The following WDR90 variants were observed in gnomAD, a reference collection of about 807,000 sequenced individuals.
The protein encoded by WDR90 is WD repeat-containing protein 90.
Under a neutral mutation model 195.2 loss-of-function variants are expected in WDR90, and 238 were observed. The observed-to-expected ratio is 1.22, with a 90% CI of 1.10 to 1.36. The LOEUF (loss-of-function observed/expected upper bound fraction) is 1.36. Among genes scored for constraint, WDR90 ranks in the 40% most tolerant of loss-of-function variants. WDR90 has a pLI of 0.00. For missense variants in WDR90, 2,734 were observed against 2,439.5 expected (o/e 1.12, Z -2.54); for synonymous variants, 1,265 against 1,052.4 (o/e 1.20, Z -3.91).
Position 658,970 on chromosome 16 carries a change from G to C in WDR90, c.2970G>C (p.Gly990=). ...SPDQQQVLSA[G]DAVFLWDVLA... is the part of the protein sequence containing the mutation. ...ACCAGCAGCAGGTCCTCAGCGCAGGGGACGCCGTCTTCCTCTGGGATGTCC... is the reference window on the plus strand; with the variant it reads ...ACCAGCAGCAGGTCCTCAGCGCAGGCGACGCCGTCTTCCTCTGGGATGTCC... The change falls in exon 24 of 41, where the codon GGG becomes GGC. Residue 990 remains glycine (G), a synonymous_variant. Coordinates refer to ENST00000293879, the MANE Select transcript of WDR90 (RefSeq NM_145294.5). The C allele has an allele frequency of 6.2e-7, 1 of 1,612,860 alleles. No homozygotes were observed. The highest frequency in any genetic ancestry group is 8.5e-7 in the Non-Finnish European group (1 of 1,179,932).
In WDR90 at chr16:662,718, T is replaced by C; in HGVS notation, c.4185T>C (p.Ala1395=). The C allele has an allele frequency of 1.3e-6, 2 of 1,584,908 alleles. No individual in the cohort carries two copies. Among genetic ancestry groups the C allele is most frequent in the African/African-American group, 1.3e-5 (1 of 74,682 alleles). ...FMEHELVLDG[A]VVSASFDDSV... ...AACACGAGCTGGTGCTGGACGGGGC[T>C]GTGGTGAGTGCCAGCTTCGATGACA... The change falls in exon 34 of 41, where the codon GCT becomes GCC. Residue 1395 remains alanine, a synonymous_variant. Coordinates refer to ENST00000293879, the MANE Select transcript of WDR90 (RefSeq NM_145294.5).
At chr16:660,193 C>G (rs1370843949) in intron 27 of WDR90, 32 bp downstream of exon 27, 1 of 1,475,182 alleles carries the variant, frequency 6.8e-7, no homozygotes, top group Non-Finnish European at 9.1e-7. Flanking sequence ...CCCTCTTTAT[C>G]CCCAGCAAGC....
At position 658,340 on chromosome 16, in the gene WDR90, G is replaced by A. The variant is rs757462748; in HGVS notation, c.2762G>A (p.Arg921Gln). ...GATGCTGTGTCGGGCCGCATCATCC[G>A]GGAGGTGAGCCTCAGGGCTGTGGCC... is the stretch of plus-strand genomic sequence containing the variant. ...VLDAVSGRIIRELPGVHPEPC... is the reference protein window; with the variant it reads ...VLDAVSGRIIQELPGVHPEPC... The change falls in exon 22 of 41, where the codon CGG (arginine) becomes CAG (glutamine). Residue 921 changes from arginine to glutamine, a missense_variant. Physicochemically the swap from Arg to Gln is conservative, Grantham distance 43. Coordinates refer to ENST00000293879, the MANE Select transcript of WDR90 (RefSeq NM_145294.5). The A allele has an allele frequency of 4.6e-5, 74 of 1,612,174 alleles. No homozygotes were observed. In the Admixed American group the frequency reaches 5.0e-4, roughly 11 times the overall value.
At chr16:660,293 C>A in intron 27 of WDR90, 132 bp downstream of exon 27, 1 of 845,498 alleles carries the variant, frequency 1.2e-6, no homozygotes, top group Non-Finnish European at 1.8e-6. Context: ...GCGCCTGTCC[C>A]CTGGAGGCAA....
chr16:650,514 C>G (rs753673633), intron 4 of WDR90, 25 bp from the exon 5 acceptor site: 10 of 1,591,488 alleles, frequency 6.3e-6, no homozygotes, highest in Non-Finnish European at 8.6e-6. Flanking sequence ...AGGGTGGGCG[C>G]TGACCCTGAG....
At position 667,621 on chromosome 16, in the gene WDR90, C is replaced by CTGAT; in HGVS notation, c.*32_*33insTGAT. ...GCAGGGACTGTGGTGGTGGGCATCA[C>CTGAT]GCCTGGTCATGCCAGGCACCTGGAC... On this transcript the variant is annotated 3_prime_UTR_variant, in exon 41 of 41. Coordinates refer to ENST00000293879, the MANE Select transcript of WDR90 (RefSeq NM_145294.5). 1 of 1,601,254 alleles carries CTGAT rather than the reference C, an allele frequency of 6.2e-7. No individual in the cohort carries two copies. Among genetic ancestry groups the CTGAT allele is most frequent in the Non-Finnish European group, 8.5e-7 (1 of 1,179,674 alleles).
rs373383514 is a variant in WDR90, at chr16:658,325, C to T, written c.2747C>T (p.Ser916Leu). Residue 916 changes from serine to leucine, a missense_variant, in exon 22 of 41, where the codon TCG becomes TTG. Physicochemically the swap from Ser to Leu is moderately radical, Grantham distance 145. Coordinates refer to ENST00000293879, the MANE Select transcript of WDR90 (RefSeq NM_145294.5). The stretch of plus-strand genomic sequence containing the variant: ...AGAGTCGTGGTGCTGGATGCTGTGT[C>T]GGGCCGCATCATCCGGGAGGTGAGC... ...SNRVVVLDAV[S>L]GRIIRELPGV... 318 of 1,612,302 alleles carry T rather than the reference C, an allele frequency of 2.0e-4. No individual in the cohort carries two copies. Among genetic ancestry groups the T allele is most frequent in the Non-Finnish European group, 2.6e-4 (301 of 1,179,836 alleles).
At position 665,203 on chromosome 16, in the gene WDR90, C is replaced by T. The variant is rs138793053; in HGVS notation, c.4312-476C>T. The stretch of plus-strand genomic sequence containing the variant: ...GGAGGAGGAATGCGACTGCATGGCG[C>T]GCTCGCTGCAACCTCAGTCTGCAGC... On this transcript the variant is annotated intron_variant, in intron 34 of 40. Transcript: ENST00000293879. 18 of 316,296 alleles carry T rather than the reference C, an allele frequency of 5.7e-5. No homozygotes were observed. The East Asian group carries it at 8.9e-4, about 16-fold the overall frequency. 19.6% of individuals were successfully genotyped at this position (316,296 alleles called of 1,614,324 possible). A position where few individuals can be genotyped will look rare whatever the true frequency, so the allele number is the denominator to read the frequency against.
At position 655,095 on chromosome 16, in the gene WDR90, C is replaced by T; in HGVS notation, c.1504C>T (p.His502Tyr). 6.2e-7 allele frequency: 1 copy of T among 1,612,830 alleles called. No individual in the cohort carries two copies. Among genetic ancestry groups the T allele is most frequent in the East Asian group, 2.2e-5 (1 of 44,866 alleles). The change falls in exon 14 of 41, where the codon CAC becomes TAC. Residue 502 changes from histidine to tyrosine, a missense_variant. Coordinates refer to ENST00000293879, the MANE Select transcript of WDR90 (RefSeq NM_145294.5). The stretch of plus-strand genomic sequence containing the variant: ...CGAGGTGGTCGTTCTGGCAAAGGCG[C>T]ACACTGACTTTGACGTCCAGGCCTT... Reference protein sequence around the residue: ...GGEVVVLAKAHTDFDVQAFRV... With the variant: ...GGEVVVLAKAYTDFDVQAFRV...
At chr16:656,036 C>T (rs909044927) in intron 17 of WDR90, 147 bp downstream of exon 17, 4 of 1,028,368 alleles carry the variant, frequency 3.9e-6, no homozygotes, top group Non-Finnish European at 5.6e-6. Flanking sequence ...ATATCCAGAG[C>T]CCTGGGGCGG....
Position 650,259 on chromosome 16 carries a change from C to T in WDR90, c.285C>T (p.Asn95=), listed in dbSNP as rs752440819. ...VIHLDVSSKD[N]QVIRVSFSNL... ...GCCCTGCTCCGTCCCCACAGGACAA[C>T]CAAGTCATCCGTGTGTCTTTCTCCA... The change falls in exon 4 of 41, where the codon AAC becomes AAT. Residue 95 remains asparagine, a synonymous_variant. Coordinates refer to ENST00000293879, the MANE Select transcript of WDR90 (RefSeq NM_145294.5). The T allele has an allele frequency of 3.1e-6, 5 of 1,612,738 alleles. No individual in the cohort carries two copies. In the East Asian group the frequency reaches 6.7e-5, roughly 22 times the overall value.
intron 14 of WDR90, 37 bp from the exon 15 acceptor site, chr16:655,270 G>A (rs2037726429): frequency 3.1e-6 from 5 of 1,609,842 alleles, no homozygotes; most frequent in Non-Finnish European, 4.2e-6. Flanking sequence ...TCAGGGCGCT[G>A]CGAGCTGCGG....
At chr16:660,483 T>C in intron 27 of WDR90, 129 bp from the exon 28 acceptor site, 1 of 934,348 alleles carries the variant, frequency 1.1e-6, no homozygotes. Flanking sequence ...TACCCCAGCT[T>C]CCCCGTCTGC....
At chr16:657,068 C>CA (rs1489232252) in intron 19 of WDR90, 23 bp from the exon 20 acceptor site, 1 of 1,594,328 alleles carries the variant, frequency 6.3e-7, no homozygotes. Context: ...CTAGGGCCAG[C>CA]GGGGTCCCTG....
At position 663,072 on chromosome 16, in the gene WDR90, C is replaced by G. The variant is rs559817935; in HGVS notation, c.4311+228C>G. On this transcript the variant is annotated intron_variant, in intron 34 of 40. Coordinates refer to ENST00000293879, the MANE Select transcript of WDR90 (RefSeq NM_145294.5). ...GCCTGGCAGGCCTTGCAGGTCTTCT[C>G]AAACTGTCCTTTCCCTGCTATTGCT... The G allele has an allele frequency of 1.0e-5, 7 of 701,552 alleles. 1 individual carries two copies. The highest frequency in any genetic ancestry group is 1.8e-5 in the Non-Finnish European group (7 of 389,060). The allele number at this position is 701,552 out of a possible 1,614,324, so 43.5% of individuals were successfully genotyped here. A position where few individuals can be genotyped will look rare whatever the true frequency, so the allele number is the denominator to read the frequency against.
chr16:653,501 C>T (rs1357957682), intron 11 of WDR90, 24 bp from the exon 12 acceptor site: 3 of 1,612,618 alleles, frequency 1.9e-6, no homozygotes, highest in African/African-American at 2.7e-5. Flanking sequence ...CCCCTACACC[C>T]TCCCTCACCC....
In WDR90 at chr16:661,706, C is replaced by T. The variant is rs372985487; in HGVS notation, c.3783C>T (p.Asp1261=). The change falls in exon 31 of 41, where the codon GAC becomes GAT. Residue 1261 remains aspartate, a synonymous_variant. Coordinates refer to ENST00000293879, the MANE Select transcript of WDR90 (RefSeq NM_145294.5). The part of the protein sequence containing the change: ...PVHGVAFNPW[D]AGELTCVGQG... ...ATGGTGTGGCCTTCAACCCCTGGGA[C>T]GCCGGCGAGCTCACCTGTGTGGGCC... 130 of 1,612,484 alleles carry T rather than the reference C, an allele frequency of 8.1e-5. No homozygotes were observed. The highest frequency in any genetic ancestry group is 3.1e-4 in the African/African-American group (23 of 75,056).
intron 5 of WDR90, 23 bp downstream of exon 5, chr16:650,732 C>T (rs753871166): frequency 6.3e-7 from 1 of 1,598,046 alleles, no homozygotes; most frequent in South Asian, 1.1e-5. Flanking sequence ...CCTGCACTCC[C>T]CACTCCATAT....
chr16:654,217 A>G (rs571328451), intron 13 of WDR90: 15 of 201,124 alleles, frequency 7.5e-5, no homozygotes, highest in African/African-American at 2.8e-4. Flanking sequence ...TTTGAGAGAG[A>G]GCCTTGTTCT....
Sources: allele counts gnomAD v4.1 joint callset, GRCh38; gene constraint gnomAD v4.1.1; transcripts MANE v1.5; gene names NCBI Gene and HGNC (gene_info 2026-07-23, HGNC 2026-07-21).